ARHGAP26: variants seen among roughly 807,000 people sequenced by gnomAD.
ARHGAP26 encodes the protein rho GTPase-activating protein 26.
Under a neutral mutation model 104.8 loss-of-function variants are expected in ARHGAP26, and 38 were observed. The ratio of observed to expected loss-of-function variants is 0.36; its 90% CI spans 0.28 to 0.48. The LOEUF is 0.48. ARHGAP26 is among the 20% of genes least tolerant of loss of function. The probability of loss-of-function intolerance (pLI) is 0.99; values close to 1 mark genes in which losing one functional copy is unlikely to be tolerated. For synonymous variants in ARHGAP26, 341 were observed against 340.0 expected, an observed-to-expected ratio of 1.00 and a Z score of -0.03; for missense variants, 704 against 947.9, an observed-to-expected ratio of 0.74 and a Z score of 3.38.
chr5:143,169,071 T>G (rs936120170), intron 20 of ARHGAP26: 2 of 152,262 alleles, frequency 1.3e-5, no homozygotes, highest in Non-Finnish European at 2.9e-5. Context: ...TTGGGGCCTT[T>G]GCTTTTGCAA....
chr5:142,947,029 G>C (rs1002690764), intron 11 of ARHGAP26: 4 of 145,918 alleles, frequency 2.7e-5, no homozygotes, highest in African/African-American at 1.0e-4. Context: ...CCCACGCTCT[G>C]TGTGGTCTTG....
Position 143,124,959 on chromosome 5 carries a change from C to G in ARHGAP26, c.1698+3812C>G, listed in dbSNP as rs114760932. Among the ~76,000 whole-genome samples, 465 of 152,322 alleles carry G rather than the reference C, an allele frequency of 3.1e-3. 2 individuals are homozygous for G. The highest frequency in any genetic ancestry group is 0.011 in the African/African-American group (441 of 41,570). On this transcript the variant is annotated intron_variant, in intron 18 of 22. Transcript: ENST00000645722. The stretch of plus-strand genomic sequence containing the variant: ...TATGGAGAGTGCTTTTCCGCCTCCT[C>G]TCTGCATTGCCATTTTTTATTCAAC...
At chr5:143,116,447 T>G (rs1481648595) in intron 17 of ARHGAP26, among the ~76,000 whole-genome samples, 3 of 152,188 alleles carry the variant, frequency 2.0e-5, no homozygotes, top group African/African-American at 7.2e-5. Context: ...GAAACTTATC[T>G]CCAAACCCTA....
intron 17 of ARHGAP26, among the ~76,000 whole-genome samples, chr5:143,072,372 A>G (rs905572862): frequency 1.3e-4 from 20 of 152,352 alleles, no homozygotes; most frequent in African/African-American, 4.8e-4. Context: ...CTGAAAATAC[A>G]ACAACATGAT....
chr5:143,163,201 C>G (rs935817673), intron 20 of ARHGAP26, among the ~76,000 whole-genome samples: 3 of 152,130 alleles, frequency 2.0e-5, no homozygotes, highest in African/African-American at 7.2e-5. Context: ...TGAGGGAGAT[C>G]AGATCTACGT....
intron 11 of ARHGAP26, among the ~76,000 whole-genome samples, chr5:142,987,115 T>A (rs1032934632): frequency 6.6e-6 from 1 of 152,268 alleles, no homozygotes. Flanking sequence ...TATTGATTCT[T>A]CCTATCCATG....
intron 19 of ARHGAP26, among the ~76,000 whole-genome samples, chr5:143,140,631 G>A (rs1415707611): frequency 6.6e-6 from 1 of 151,980 alleles, no homozygotes; most frequent in Non-Finnish European, 1.5e-5. Context: ...GATTCCAAAA[G>A]AGAGGCCCAT....
chr5:142,965,301 G>T (rs1771125900), intron 11 of ARHGAP26, among the ~76,000 whole-genome samples: 2 of 152,202 alleles, frequency 1.3e-5, no homozygotes, highest in Non-Finnish European at 2.9e-5. Context: ...TCCACAAGAG[G>T]TGGAGGAGCA....
intron 10 of ARHGAP26, among the ~76,000 whole-genome samples, chr5:142,917,377 G>A (rs1035847722): frequency 1.3e-5 from 2 of 152,142 alleles, no homozygotes; most frequent in Admixed American, 6.5e-5. Flanking sequence ...CCAGTGATGA[G>A]CTCAGAGCTG....
intron 1 of ARHGAP26, among the ~76,000 whole-genome samples, chr5:142,783,899 A>G (rs1012196546): frequency 2.0e-5 from 3 of 152,218 alleles, no homozygotes; most frequent in East Asian, 1.9e-4. Flanking sequence ...AATGTTTGAC[A>G]CAGACTTTAC....
At chr5:142,810,789 A>G (rs1763924515) in intron 1 of ARHGAP26, among the ~76,000 whole-genome samples, 1 of 152,242 alleles carries the variant, frequency 6.6e-6, no homozygotes, top group Non-Finnish European at 1.5e-5. Context: ...CTCTTCGTTT[A>G]ATAAAGAACA....
At chr5:143,144,334 T>C (rs1447382854) in intron 19 of ARHGAP26, among the ~76,000 whole-genome samples, 2 of 152,234 alleles carry the variant, frequency 1.3e-5, no homozygotes, top group Non-Finnish European at 2.9e-5. Flanking sequence ...TCAGGAGCAG[T>C]ACTCATTTGC....
At chr5:142,965,916 G>C (rs1029254156) in intron 11 of ARHGAP26, among the ~76,000 whole-genome samples, 1 of 152,150 alleles carries the variant, frequency 6.6e-6, no homozygotes, top group Non-Finnish European at 1.5e-5. Flanking sequence ...TTGGAGCGTT[G>C]TGTTTTAAAG....
chr5:143,142,134 C>CTTTTTTTTT (rs762332039), intron 19 of ARHGAP26, among the ~76,000 whole-genome samples: 7 of 105,370 alleles, frequency 6.6e-5, no homozygotes, highest in Admixed American at 1.1e-4. Flanking sequence ...CTACTTTTCA[C>CTTTTTTTTT]TTTTTTTTTT....
chr5:143,175,947 C>T (rs1290569177), intron 20 of ARHGAP26, among the ~76,000 whole-genome samples: 5 of 152,200 alleles, frequency 3.3e-5, no homozygotes, highest in Admixed American at 3.3e-4. Context: ...AACCCCTTCT[C>T]TACTAAAAAT....
At chr5:142,981,872 C>T (rs997375908) in intron 11 of ARHGAP26, among the ~76,000 whole-genome samples, 9 of 152,156 alleles carry the variant, frequency 5.9e-5, no homozygotes, top group African/African-American at 1.7e-4. Flanking sequence ...CAAAAGTTCC[C>T]GACTCAGTGA....
chr5:142,908,902 T>C (rs1761471811), intron 9 of ARHGAP26: 1 of 167,190 alleles, frequency 6.0e-6, no homozygotes, highest in Admixed American at 6.5e-5. Flanking sequence ...CTCTGAGTGT[T>C]CCCACAGCAG....
At chr5:143,073,883 C>T (rs1315945819) in intron 17 of ARHGAP26, among the ~76,000 whole-genome samples, 1 of 152,216 alleles carries the variant, frequency 6.6e-6, no homozygotes, top group Non-Finnish European at 1.5e-5. Flanking sequence ...ACTTCGAAGA[C>T]ATCTATGATT....
chr5:142,832,331 A>T (rs1768625235), intron 1 of ARHGAP26, among the ~76,000 whole-genome samples: 1 of 152,222 alleles, frequency 6.6e-6, no homozygotes, highest in Non-Finnish European at 1.5e-5. Context: ...TGAGGCCCTG[A>T]TATGATAGGA....
Sources: gnomAD v4.1 joint callset for allele counts (sites outside exome capture counted in the v4.1 genomes callset) on GRCh38, gnomAD v4.1.1 for gene constraint, MANE v1.5 for transcripts, NCBI Gene and HGNC (gene_info 2026-07-23, HGNC 2026-07-21) for gene names.